The following NKAIN2 variants were observed in gnomAD, a reference collection of about 807,000 sequenced individuals.
The protein encoded by NKAIN2 is sodium/potassium-transporting ATPase subunit beta-1-interacting protein 2.
A neutral mutation model predicts 32.6 loss-of-function variants in NKAIN2; 14 were observed. The observed-to-expected ratio is 0.43, with a 90% confidence interval of 0.28 to 0.67. The LOEUF (loss-of-function observed/expected upper bound fraction) is 0.67, where lower values mean the gene tolerates loss of function less well. Ranked by LOEUF, NKAIN2 falls within the 30% of genes least tolerant of loss-of-function variation. NKAIN2 has a pLI of 0.17. For missense variants in NKAIN2, 198 were observed against 258.3 expected, an observed-to-expected ratio of 0.77 and a Z score of 1.60; for synonymous variants, 80 against 87.2, an observed-to-expected ratio of 0.92 and a Z score of 0.46.
chr6:124,391,155 C>G (rs959095096), intron 3 of NKAIN2: 6 of 152,048 alleles, frequency 3.9e-5, no homozygotes, highest in African/African-American at 1.4e-4. Flanking sequence ...GCCTTGCTAT[C>G]CAGGATAAAA....
At chr6:124,654,559 G>A (rs1441662932) in intron 3 of NKAIN2, among the ~76,000 whole-genome samples, 1 of 152,106 alleles carries the variant, frequency 6.6e-6, no homozygotes, top group Non-Finnish European at 1.5e-5. Context: ...TTTGGATTAT[G>A]CCTGCTCCCC....
intron 4 of NKAIN2, among the ~76,000 whole-genome samples, chr6:124,720,658 AAATAGACT>A (rs1272485217): frequency 6.6e-6 from 1 of 152,152 alleles, no homozygotes; most frequent in East Asian, 1.9e-4. Context: ...TCTCTATCTA[AAATAGACT>A]GGAGATTCAG....
intron 3 of NKAIN2, among the ~76,000 whole-genome samples, chr6:124,419,674 C>T (rs1774658703): frequency 6.6e-6 from 1 of 152,108 alleles, no homozygotes; most frequent in Non-Finnish European, 1.5e-5. Flanking sequence ...CAATAGAAGA[C>T]ATAAGATAAT....
intron 5 of NKAIN2, among the ~76,000 whole-genome samples, chr6:124,799,643 T>G (rs77849930): frequency 0.024 from 3,677 of 152,262 alleles, 134 homozygotes; most frequent in African/African-American, 0.082. Context: ...AGGAGGGCCT[T>G]TAACTGGGGT....
At chr6:124,752,401 C>T (rs1403573755) in intron 4 of NKAIN2, among the ~76,000 whole-genome samples, 1 of 151,898 alleles carries the variant, frequency 6.6e-6, no homozygotes, top group Non-Finnish European at 1.5e-5. Context: ...ACGAGAGTAA[C>T]ATTATTCGCT....
chr6:124,027,573 C>T (rs566273288), intron 1 of NKAIN2, among the ~76,000 whole-genome samples: 39 of 152,216 alleles, frequency 2.6e-4, no homozygotes, highest in African/African-American at 8.9e-4. Context: ...ACAGGAAACG[C>T]GTATGTATCA....
intron 3 of NKAIN2, among the ~76,000 whole-genome samples, chr6:124,495,297 T>G (rs764410589): frequency 7.2e-5 from 11 of 152,114 alleles, no homozygotes; most frequent in Non-Finnish European, 1.6e-4. Context: ...TTCTTAAGAG[T>G]AATTGAATGT....
chr6:123,878,525 C>G (rs539706401), intron 1 of NKAIN2, among the ~76,000 whole-genome samples: 73 of 152,142 alleles, frequency 4.8e-4, no homozygotes, highest in African/African-American at 1.8e-3. Context: ...TTCTTGCTTT[C>G]CTTTTTTTGG....
chr6:124,082,720 T>G (rs1784030956), intron 1 of NKAIN2, among the ~76,000 whole-genome samples: 1 of 152,090 alleles, frequency 6.6e-6, no homozygotes, highest in Non-Finnish European at 1.5e-5. Flanking sequence ...AAATGAATTC[T>G]TTCTATAAGT....
At chr6:124,323,076 T>G (rs909063460) in intron 2 of NKAIN2, among the ~76,000 whole-genome samples, 1 of 152,234 alleles carries the variant, frequency 6.6e-6, no homozygotes, top group Non-Finnish European at 1.5e-5. Flanking sequence ...GCATATCCTC[T>G]TCAGTGAAAT....
intron 3 of NKAIN2, among the ~76,000 whole-genome samples, chr6:124,572,300 A>G (rs2114920072): frequency 6.6e-6 from 1 of 152,340 alleles, no homozygotes; most frequent in East Asian, 1.9e-4. Context: ...TCATCCAGAA[A>G]TAATGTTCAA....
intron 1 of NKAIN2, among the ~76,000 whole-genome samples, chr6:124,047,041 A>G (rs1782172703): frequency 2.0e-5 from 3 of 152,036 alleles, no homozygotes; most frequent in Non-Finnish European, 4.4e-5. Flanking sequence ...ACCAGAGTTC[A>G]TGTGCCCAAT....
At chr6:124,755,660 T>C (rs1202829708) in intron 4 of NKAIN2, among the ~76,000 whole-genome samples, 2 of 152,236 alleles carry the variant, frequency 1.3e-5, no homozygotes, top group African/African-American at 2.4e-5. Context: ...AACTAAGTGA[T>C]GAGAACACAT....
chr6:123,966,359 C>T (rs557705161), intron 1 of NKAIN2, among the ~76,000 whole-genome samples: 6 of 152,096 alleles, frequency 3.9e-5, no homozygotes, highest in Non-Finnish European at 8.8e-5. Flanking sequence ...ATGTCCTTCC[C>T]CCAGTATTTT....
chr6:124,482,748 C>T (rs192632902), intron 3 of NKAIN2, among the ~76,000 whole-genome samples: 5 of 152,302 alleles, frequency 3.3e-5, no homozygotes, highest in Admixed American at 2.6e-4. Context: ...GTGTCCAATA[C>T]GTGATCAAGT....
intron 1 of NKAIN2, among the ~76,000 whole-genome samples, chr6:124,090,610 A>G (rs566091392): frequency 2.1e-4 from 32 of 152,162 alleles, no homozygotes; most frequent in African/African-American, 7.2e-4. Flanking sequence ...TTTGTTGTAT[A>G]TTCAGAAAGA....
intron 4 of NKAIN2, among the ~76,000 whole-genome samples, chr6:124,757,715 T>C (rs1181892032): frequency 6.6e-6 from 1 of 152,130 alleles, no homozygotes; most frequent in Non-Finnish European, 1.5e-5. Context: ...TCCTGAGACA[T>C]GTATGTTTGT....
At chr6:124,191,476 A>G (rs1405561957) in intron 1 of NKAIN2, among the ~76,000 whole-genome samples, 2 of 152,142 alleles carry the variant, frequency 1.3e-5, no homozygotes, top group African/African-American at 4.8e-5. Context: ...GAAACCTTAT[A>G]ATTTTATTTA....
chr6:124,387,317 T>A, intron 3 of NKAIN2, among the ~76,000 whole-genome samples: 1 of 151,644 alleles, frequency 6.6e-6, no homozygotes. Context: ...TTTTAATCAC[T>A]GTACTTCTTG....
Sources: gnomAD v4.1 joint callset for allele counts (sites outside exome capture counted in the v4.1 genomes callset) on GRCh38, gnomAD v4.1.1 for gene constraint, MANE v1.5 for transcripts, NCBI Gene and HGNC (gene_info 2026-07-23, HGNC 2026-07-21) for gene names.